ERC2: variants seen among roughly 807,000 people sequenced by gnomAD.
The protein encoded by ERC2 is ERC protein 2.
ERC2 carries 42 observed loss-of-function variants against 114.8 expected under a neutral mutation model. That is an observed-to-expected ratio of 0.37 (90% CI 0.29 to 0.47). ERC2 has a LOEUF of 0.47. Among genes scored for constraint, ERC2 ranks in the 20% least tolerant of loss-of-function variants. ERC2 has a pLI of 0.99. For synonymous variants in ERC2, 454 were observed against 425.5 expected (o/e 1.07, Z -0.82); for missense variants, 939 against 1,150.7 (o/e 0.82, Z 2.66).
At chr3:56,056,090 T>C (rs1254236039) in intron 7 of ERC2, among the ~76,000 whole-genome samples, 1 of 152,208 alleles carries the variant, frequency 6.6e-6, no homozygotes, top group East Asian at 1.9e-4. Context: ...CTCTGGTATG[T>C]AATAATGTTT....
At chr3:56,405,739 T>C (rs2060693345) in intron 2 of ERC2, among the ~76,000 whole-genome samples, 1 of 152,180 alleles carries the variant, frequency 6.6e-6, no homozygotes, top group South Asian at 2.1e-4. Context: ...AATATGATAA[T>C]ACAGATCTCC....
chr3:55,966,903 G>A (rs927342967), intron 12 of ERC2, among the ~76,000 whole-genome samples: 15 of 152,036 alleles, frequency 9.9e-5, no homozygotes, highest in African/African-American at 3.6e-4. Flanking sequence ...CCCATCAGAG[G>A]ACAAACACAC....
intron 14 of ERC2, among the ~76,000 whole-genome samples, chr3:55,844,490 G>C (rs1191981084): frequency 6.6e-6 from 1 of 152,098 alleles, no homozygotes; most frequent in African/African-American, 2.4e-5. Flanking sequence ...TCAAAGCCAG[G>C]CAAAATTAAT....
chr3:55,950,350 T>C, intron 13 of ERC2, 75 bp downstream of exon 13: 1 of 1,555,160 alleles, frequency 6.4e-7, no homozygotes, highest in Non-Finnish European at 8.8e-7. Flanking sequence ...GCATATTTTC[T>C]GGCACCAATG....
intron 17 of ERC2, among the ~76,000 whole-genome samples, chr3:55,559,887 A>T (rs1027463358): frequency 4.6e-5 from 7 of 152,258 alleles, no homozygotes; most frequent in Non-Finnish European, 1.0e-4. Flanking sequence ...ACAGAGCGCT[A>T]GCCCACAGCG....
rs540229122 is a variant in ERC2, at chr3:55,706,920, C to T, written c.2713-7408G>A. 1.2e-3 allele frequency among the ~76,000 whole-genome samples: 180 copies of T among 152,224 alleles called. 2 individuals are homozygous for T. Among genetic ancestry groups the T allele is most frequent in the South Asian group, 6.9e-3 (33 of 4,810 alleles). On this transcript the variant is annotated intron_variant, in intron 15 of 17. Coordinates refer to ENST00000288221, the MANE Select transcript of ERC2 (RefSeq NM_015576.3). ...CACCTGCCTAGCACTAATTCAGTTT[C>T]GGCCAAACATTCATATTGAGACTCA...
chr3:55,697,272 G>A (rs1410408633), intron 16 of ERC2, among the ~76,000 whole-genome samples: 2 of 152,154 alleles, frequency 1.3e-5, no homozygotes, highest in African/African-American at 4.8e-5. Flanking sequence ...TCTGGAGAAG[G>A]CGATGAGGTT....
chr3:55,875,764 C>A (rs966904569), intron 14 of ERC2, among the ~76,000 whole-genome samples: 1 of 151,810 alleles, frequency 6.6e-6, no homozygotes, highest in Non-Finnish European at 1.5e-5. Flanking sequence ...GTTTGGTCTA[C>A]TTTGGTCTGC....
chr3:56,283,482 A>T (rs777562877), intron 3 of ERC2, among the ~76,000 whole-genome samples: 6 of 152,124 alleles, frequency 3.9e-5, no homozygotes, highest in Non-Finnish European at 7.4e-5. Flanking sequence ...AAAAAATAAA[A>T]AGTCATTTCT....
intron 7 of ERC2, among the ~76,000 whole-genome samples, chr3:56,024,810 G>A (rs1420832175): frequency 6.6e-6 from 1 of 152,180 alleles, no homozygotes; most frequent in Non-Finnish European, 1.5e-5. Flanking sequence ...TTTCTCTCAA[G>A]TTCCTACAGG....
At chr3:56,214,630 G>A (rs2049324294) in intron 3 of ERC2, among the ~76,000 whole-genome samples, 1 of 151,770 alleles carries the variant, frequency 6.6e-6, no homozygotes, top group Non-Finnish European at 1.5e-5. Context: ...TCACATTCAG[G>A]AATTACAGAG....
intron 8 of ERC2, among the ~76,000 whole-genome samples, chr3:56,012,181 A>G (rs2072995772): frequency 1.3e-5 from 2 of 152,128 alleles, no homozygotes; most frequent in Non-Finnish European, 2.9e-5. Flanking sequence ...TCAATCTCTC[A>G]AGGGTTTTTA....
chr3:56,331,716 G>A (rs569643448), intron 2 of ERC2, among the ~76,000 whole-genome samples: 44 of 152,208 alleles, frequency 2.9e-4, no homozygotes, highest in Middle Eastern at 3.4e-3. Flanking sequence ...TGGTGGGTGC[G>A]TGTGGCATCG....
chr3:55,750,377 T>G (rs2066615216), intron 14 of ERC2, among the ~76,000 whole-genome samples: 1 of 152,152 alleles, frequency 6.6e-6, no homozygotes, highest in South Asian at 2.1e-4. Flanking sequence ...TAAAGTTGAG[T>G]AAACTGAGAC....
At chr3:55,605,491 T>C (rs1236557600) in intron 17 of ERC2, among the ~76,000 whole-genome samples, 1 of 152,236 alleles carries the variant, frequency 6.6e-6, no homozygotes, top group Non-Finnish European at 1.5e-5. Context: ...AATTATTCTT[T>C]TCAATCTATA....
chr3:55,772,649 T>G (rs2068309393), intron 14 of ERC2, among the ~76,000 whole-genome samples: 2 of 152,194 alleles, frequency 1.3e-5, no homozygotes. Flanking sequence ...GAAAAAAGTA[T>G]TTCAAGTTAT....
intron 13 of ERC2, among the ~76,000 whole-genome samples, chr3:55,898,509 C>T (rs1008676207): frequency 2.6e-5 from 4 of 152,132 alleles, no homozygotes; most frequent in Non-Finnish European, 5.9e-5. Context: ...CCTCTATGTA[C>T]GTCAGCTTCC....
intron 3 of ERC2, among the ~76,000 whole-genome samples, chr3:56,213,746 G>T (rs139976933): frequency 4.6e-5 from 7 of 152,258 alleles, no homozygotes; most frequent in Non-Finnish European, 8.8e-5. Context: ...CCCGAGTAGC[G>T]TAACTGGGAG....
chr3:56,398,383 G>C (rs1031077886), intron 2 of ERC2, among the ~76,000 whole-genome samples: 3 of 152,064 alleles, frequency 2.0e-5, no homozygotes, highest in South Asian at 2.1e-4. Context: ...AGAAAAGTAG[G>C]GTTGCCAGAT....
Sources: gnomAD v4.1 joint callset for allele counts (sites outside exome capture counted in the v4.1 genomes callset) on GRCh38, gnomAD v4.1.1 for gene constraint, MANE v1.5 for transcripts, NCBI Gene and HGNC (gene_info 2026-07-23, HGNC 2026-07-21) for gene names.